Variants in ATP8B4 observed in about 807,000 individuals in gnomAD.
ATP8B4 encodes probable phospholipid-transporting ATPase IM.
In ATP8B4, 133 loss-of-function variants were observed where a neutral mutation model predicts 145.6. The observed-to-expected ratio is 0.91, with a 90% CI of 0.79 to 1.05. The LOEUF is 1.05. Among genes scored for constraint, ATP8B4 ranks in the 50% least tolerant of loss-of-function variants. The pLI, the probability that ATP8B4 is intolerant of heterozygous loss-of-function variation, is 0.00. For missense variants in ATP8B4, 1,458 were observed against 1,425.2 expected (o/e 1.02, Z -0.37); for synonymous variants, 507 against 492.9 (o/e 1.03, Z -0.38).
intron 6 of ATP8B4, among the ~76,000 whole-genome samples, chr15:50,034,807 C>T (rs2050714213): frequency 6.6e-6 from 1 of 152,192 alleles, no homozygotes; most frequent in Non-Finnish European, 1.5e-5. Context: ...TTCAGGATCC[C>T]TCTCATTTGC....
chr15:49,863,494 A>G (rs1159048341), intron 26 of ATP8B4, among the ~76,000 whole-genome samples: 7 of 151,970 alleles, frequency 4.6e-5, no homozygotes, highest in Non-Finnish European at 7.4e-5. Context: ...GTCCCTGTTC[A>G]TTTTCTAGAG....
chr15:50,071,586 G>T (rs1403246713), intron 3 of ATP8B4, among the ~76,000 whole-genome samples: 1 of 152,178 alleles, frequency 6.6e-6, no homozygotes, highest in South Asian at 2.1e-4. Flanking sequence ...TCTGATTTGG[G>T]ACTTGATGGT....
At chr15:50,130,684 G>C (rs371473398) in intron 1 of ATP8B4, among the ~76,000 whole-genome samples, 2 of 152,076 alleles carry the variant, frequency 1.3e-5, no homozygotes, top group South Asian at 4.2e-4. Context: ...GCTGAGGCAG[G>C]AGAATTGCTT....
intron 23 of ATP8B4, among the ~76,000 whole-genome samples, chr15:49,893,999 C>T (rs1174379066): frequency 6.6e-6 from 1 of 152,180 alleles, no homozygotes; most frequent in Admixed American, 6.5e-5. Context: ...AAGAAGCTGA[C>T]CCCACAGCAT....
intron 6 of ATP8B4, among the ~76,000 whole-genome samples, chr15:50,032,029 A>C (rs2050482868): frequency 6.6e-6 from 1 of 152,184 alleles, no homozygotes; most frequent in Admixed American, 6.5e-5. Flanking sequence ...ACAAATATTT[A>C]TTCTTTAAAA....
chr15:49,871,340 C>T (rs775850432), intron 25 of ATP8B4, among the ~76,000 whole-genome samples: 2 of 152,216 alleles, frequency 1.3e-5, no homozygotes, highest in African/African-American at 4.8e-5. Context: ...TAACCAGTCT[C>T]ACTGTAGACT....
intron 16 of ATP8B4, among the ~76,000 whole-genome samples, chr15:49,923,911 T>C (rs2040480952): frequency 6.6e-6 from 1 of 152,148 alleles, no homozygotes; most frequent in Non-Finnish European, 1.5e-5. Flanking sequence ...TGCTAAATCA[T>C]CTCCATATGC....
chr15:49,889,202 A>G (rs1166420094), intron 23 of ATP8B4, among the ~76,000 whole-genome samples: 2 of 152,030 alleles, frequency 1.3e-5, no homozygotes, highest in Non-Finnish European at 2.9e-5. Flanking sequence ...AGAGCGCTGA[A>G]GTGGGAGCCA....
chr15:50,041,742 C>T (rs2051300416), intron 5 of ATP8B4, among the ~76,000 whole-genome samples: 1 of 152,138 alleles, frequency 6.6e-6, no homozygotes, highest in Admixed American at 6.5e-5. Context: ...AGATCGAGAC[C>T]ATCTTGGCTA....
At chr15:49,975,809 T>C (rs1333783329) in intron 12 of ATP8B4, among the ~76,000 whole-genome samples, 2 of 152,176 alleles carry the variant, frequency 1.3e-5, no homozygotes, top group East Asian at 1.9e-4. Flanking sequence ...TCCTTTCTAA[T>C]AGGTTTATTT....
intron 14 of ATP8B4, among the ~76,000 whole-genome samples, chr15:49,950,138 C>T (rs1297525536): frequency 6.6e-6 from 1 of 152,098 alleles, no homozygotes; most frequent in Non-Finnish European, 1.5e-5. Flanking sequence ...TGTTGTGTCT[C>T]TTCCTGGTTT....
At chr15:49,875,394 G>A (rs551414064) in intron 25 of ATP8B4, among the ~76,000 whole-genome samples, 109 of 152,264 alleles carry the variant, frequency 7.2e-4, no homozygotes, top group African/African-American at 2.2e-3. Flanking sequence ...TCTATGGAAG[G>A]AGAATCCAGA....
upstream of ATP8B4, among the ~76,000 whole-genome samples, chr15:50,123,402 A>C (rs1182556201): frequency 6.6e-6 from 1 of 152,208 alleles, no homozygotes; most frequent in East Asian, 1.9e-4. Context: ...TAGCTACAGG[A>C]TTAAAAATTA....
intron 2 of ATP8B4, among the ~76,000 whole-genome samples, chr15:50,095,714 C>T (rs1259643433): frequency 6.6e-6 from 1 of 151,552 alleles, no homozygotes; most frequent in Admixed American, 6.6e-5. Flanking sequence ...ATGATCACCA[C>T]TGCACTCCAG....
intron 3 of ATP8B4, among the ~76,000 whole-genome samples, chr15:50,058,905 G>A (rs2052803831): frequency 6.6e-6 from 1 of 150,782 alleles, no homozygotes; most frequent in South Asian, 2.1e-4. Context: ...GAGAATAGAA[G>A]ACCAGGAAAT....
rs758984720 is a variant in ATP8B4 at position 50,044,627 on chromosome 15, A to G, written c.267T>C (p.Thr89=). Residue 89 remains threonine, a synonymous_variant, in exon 5 of 28, where the codon ACT becomes ACC. Transcript: ENST00000284509. Reference sequence around the variant, plus strand: ...CTGTGGCATCTTTGACAGCTGTCATAGTTATCACCAGGACCAAAGGCACAA... The same window carrying G: ...CTGTGGCATCTTTGACAGCTGTCATGGTTATCACCAGGACCAAAGGCACAA... ...TTIVPLVLVI[T]MTAVKDATDD... is the part of the protein sequence containing the mutation. 1.9e-6 allele frequency: 3 copies of G among 1,613,084 alleles called. No homozygotes were observed. The Admixed American group carries it at 5.0e-5, about 27-fold the overall frequency.
chr15:50,172,982 G>A lies in ATP8B4; in HGVS notation c.-43+9279C>T, dbSNP rs530833627. ...ATCCGGGAGGTGGGGGGCAGCCCCC[G>A]CCCGGCCAGCCGCCCCGTCCGGGAG... On this transcript the variant is annotated intron_variant, in intron 1 of 3. Transcript: ENST00000558829. 3.2e-3 allele frequency among the ~76,000 whole-genome samples: 472 copies of A among 147,754 alleles called. 6 individuals carry two copies. Among genetic ancestry groups the A allele is most frequent in the African/African-American group, 0.011 (448 of 39,698 alleles).
chr15:50,141,340 G>A (rs1184507917), intron 1 of ATP8B4, among the ~76,000 whole-genome samples: 1 of 151,840 alleles, frequency 6.6e-6, no homozygotes, highest in East Asian at 1.9e-4. Context: ...ACTCTCCAAG[G>A]CCTTATCACC....
intron 1 of ATP8B4, among the ~76,000 whole-genome samples, chr15:50,109,898 G>A (rs1156442299): frequency 6.6e-6 from 1 of 152,110 alleles, no homozygotes; most frequent in African/African-American, 2.4e-5. Context: ...CTTCCTGCTA[G>A]CACTTCTCAT....
Sources: allele counts gnomAD v4.1 joint callset (sites outside exome capture counted in the v4.1 genomes callset), GRCh38; gene constraint gnomAD v4.1.1; transcripts MANE v1.5; gene names NCBI Gene and HGNC (gene_info 2026-07-23, HGNC 2026-07-21).